TUSC3: variants seen among roughly 807,000 people sequenced by gnomAD.
TUSC3 encodes tumor suppressor candidate 3.
TUSC3 carries 45 observed loss-of-function variants against 44.8 expected under a neutral mutation model. That is an observed-to-expected ratio of 1.00 (90% CI 0.79 to 1.29). TUSC3 has a LOEUF of 1.29. Among genes scored for constraint, TUSC3 ranks in the 50% most tolerant of loss-of-function variants. TUSC3 has a pLI of 0.00. For synonymous variants in TUSC3, 212 were observed against 152.9 expected (o/e 1.39, Z -2.85); for missense variants, 519 against 437.9 (o/e 1.19, Z -1.65).
intron 1 of TUSC3, among the ~76,000 whole-genome samples, chr8:15,567,766 T>C (rs1190468205): frequency 6.6e-6 from 1 of 152,192 alleles, no homozygotes; most frequent in Non-Finnish European, 1.5e-5. Context: ...TTTTTGCCTC[T>C]CTACAAAATT....
At chr8:15,565,634 G>A (rs923798110) in intron 1 of TUSC3, among the ~76,000 whole-genome samples, 1 of 152,062 alleles carries the variant, frequency 6.6e-6, no homozygotes, top group South Asian at 2.1e-4. Context: ...TGTTTCTTTT[G>A]TCCTTCCCCA....
At chr8:15,845,336 G>A in the TUSC3 span, among the ~76,000 whole-genome samples, 70,694 of 151,876 alleles carry the variant, frequency 0.47, 18,328 homozygotes, top group Non-Finnish European at 0.6. Flanking sequence ...CATGAGCTCT[G>A]GAATTCTTAA....
chr8:15,781,560 G>C, the TUSC3 span, among the ~76,000 whole-genome samples: 2 of 152,086 alleles, frequency 1.3e-5, no homozygotes, highest in African/African-American at 4.8e-5. Context: ...CAGGCCAGAA[G>C]GAAGTGGGAT....
chr8:15,537,980 A>G (rs951068971), upstream of TUSC3, among the ~76,000 whole-genome samples: 3 of 152,242 alleles, frequency 2.0e-5, no homozygotes, highest in African/African-American at 4.8e-5. Context: ...GCAAGAGGCA[A>G]TTAGCCTGGG....
Position 15,483,567 on chromosome 8 carries a change from G to A in TUSC3, n.189+84G>A, listed in dbSNP as rs534757846. 1,043 of 154,104 alleles carry A rather than the reference G, an allele frequency of 6.8e-3. 10 individuals carry two copies. Among genetic ancestry groups the A allele is most frequent in the South Asian group, 0.033 (167 of 5,000 alleles). 9.5% of individuals were successfully genotyped at this position (154,104 alleles called of 1,614,324 possible). On this transcript the variant is annotated intron_variant and non_coding_transcript_variant, in intron 2 of 5. Transcript: ENST00000503191. The stretch of plus-strand genomic sequence containing the variant: ...GTTGATCAGGCTGTCTTGAACTCCC[G>A]GCCTCAGGTGATCTGCCCACCTTGG...
chr8:15,773,907 G>C, the TUSC3 span, among the ~76,000 whole-genome samples: 2 of 152,038 alleles, frequency 1.3e-5, no homozygotes, highest in Admixed American at 6.6e-5. Context: ...AACTCAAAAT[G>C]GATCAACGAT....
the TUSC3 span, among the ~76,000 whole-genome samples, chr8:15,842,311 C>T: frequency 3.9e-5 from 6 of 152,094 alleles, no homozygotes; most frequent in Admixed American, 2.6e-4. Flanking sequence ...CAGTTCTGAC[C>T]GCCAGCCTCA....
chr8:15,675,292 T>G (rs1431137690), intron 6 of TUSC3, among the ~76,000 whole-genome samples: 2 of 150,928 alleles, frequency 1.3e-5, no homozygotes, highest in Non-Finnish European at 1.5e-5. Context: ...AGTATTCTTC[T>G]AAGAGTATTC....
chr8:15,616,075 C>T (rs1804973633), intron 1 of TUSC3, among the ~76,000 whole-genome samples: 1 of 151,720 alleles, frequency 6.6e-6, no homozygotes, highest in Admixed American at 6.6e-5. Context: ...TTCTAATGGT[C>T]GATAACAGAG....
chr8:15,530,952 C>T (rs938328411), intron 2 of TUSC3, among the ~76,000 whole-genome samples: 1 of 152,080 alleles, frequency 6.6e-6, no homozygotes, highest in Non-Finnish European at 1.5e-5. Flanking sequence ...GGGTGTCACC[C>T]CAGAAAACAC....
chr8:15,632,253 G>C (rs940902994), intron 2 of TUSC3, among the ~76,000 whole-genome samples: 1 of 152,024 alleles, frequency 6.6e-6, no homozygotes, highest in African/African-American at 2.4e-5. Flanking sequence ...TTGTTTTAAT[G>C]ATGGTGACTT....
At chr8:15,592,753 A>G (rs1333338626) in intron 1 of TUSC3, among the ~76,000 whole-genome samples, 3 of 152,216 alleles carry the variant, frequency 2.0e-5, no homozygotes, top group African/African-American at 7.2e-5. Context: ...AAAATGGACC[A>G]AAACAGTACT....
At chr8:15,493,929 G>A (rs1023954023) in intron 2 of TUSC3, among the ~76,000 whole-genome samples, 2 of 152,176 alleles carry the variant, frequency 1.3e-5, no homozygotes, top group African/African-American at 2.4e-5. Context: ...TAAATATGCT[G>A]TAACCTCTTC....
chr8:15,514,948 G>T (rs553368627), intron 2 of TUSC3, among the ~76,000 whole-genome samples: 9 of 152,244 alleles, frequency 5.9e-5, no homozygotes, highest in Admixed American at 5.2e-4. Context: ...AATACTGTAG[G>T]TTCAATGCCT....
chr8:15,741,329 TAGATG>T (rs1353508260), intron 7 of TUSC3, among the ~76,000 whole-genome samples: 1 of 152,238 alleles, frequency 6.6e-6, no homozygotes, highest in African/African-American at 2.4e-5. Flanking sequence ...AGCTGCTTAT[TAGATG>T]AATCATAAAA....
chr8:15,769,089 G>A (rs1812398031), downstream of TUSC3, among the ~76,000 whole-genome samples: 1 of 151,666 alleles, frequency 6.6e-6, no homozygotes, highest in African/African-American at 2.4e-5. Flanking sequence ...AATTTCATGT[G>A]GAACCAAAAA....
chr8:15,752,394 A>C (rs1307189737), intron 9 of TUSC3, among the ~76,000 whole-genome samples: 1 of 151,306 alleles, frequency 6.6e-6, no homozygotes, highest in African/African-American at 2.4e-5. Flanking sequence ...CATTAATTAG[A>C]CAGAAAGAAA....
chr8:15,433,610 G>T (rs895090199), intron 1 of TUSC3, among the ~76,000 whole-genome samples: 32 of 151,172 alleles, frequency 2.1e-4, no homozygotes, highest in Non-Finnish European at 4.3e-4. Flanking sequence ...ACCACCACAT[G>T]CCAGGGCTTA....
intron 3 of TUSC3, among the ~76,000 whole-genome samples, chr8:15,653,557 T>C (rs10109908): frequency 0.86 from 131,008 of 152,162 alleles, 56,569 homozygotes; most frequent in Non-Finnish European, 0.88. Flanking sequence ...TGAAACATTT[T>C]CTCAGGTTAA....
Sources: allele counts gnomAD v4.1 joint callset (sites outside exome capture counted in the v4.1 genomes callset), GRCh38; gene constraint gnomAD v4.1.1; transcripts MANE v1.5; gene names NCBI Gene and HGNC (gene_info 2026-07-23, HGNC 2026-07-21).